PINX1: variants seen among roughly 807,000 people sequenced by gnomAD.
The protein encoded by PINX1 is PIN2/TERF1-interacting telomerase inhibitor 1.
In PINX1, 34 loss-of-function variants were observed where a neutral mutation model predicts 25.4. The observed-to-expected ratio is 1.34, with a 90% CI of 1.02 to 1.78. The LOEUF (loss-of-function observed/expected upper bound fraction) is 1.78, where lower values mean the gene tolerates loss of function less well. Ranked by LOEUF, PINX1 falls within the 40% of genes most tolerant of loss-of-function variation. The pLI is 0.00. For synonymous variants in PINX1, 197 were observed against 147.7 expected, an observed-to-expected ratio of 1.33 and a Z score of -2.42; for missense variants, 592 against 404.9, an observed-to-expected ratio of 1.46 and a Z score of -3.97.
chr8:10,817,315 A>G (rs1797728431), intron 6 of PINX1, among the ~76,000 whole-genome samples: 1 of 152,204 alleles, frequency 6.6e-6, no homozygotes, highest in African/African-American at 2.4e-5. Flanking sequence ...GCAACAACAT[A>G]CAACATTCCC....
At chr8:10,839,131 A>G (rs992183034) in intron 1 of PINX1, among the ~76,000 whole-genome samples, 3 of 152,034 alleles carry the variant, frequency 2.0e-5, no homozygotes, top group African/African-American at 7.2e-5. Flanking sequence ...GGTTTCACCG[A>G]CTCCACCAAG....
At chr8:10,771,552 C>A (rs1222658354) in intron 6 of PINX1, among the ~76,000 whole-genome samples, 1 of 152,188 alleles carries the variant, frequency 6.6e-6, no homozygotes, top group Non-Finnish European at 1.5e-5. Context: ...ATTTATGTTG[C>A]ATTTGTATTC....
intron 6 of PINX1, among the ~76,000 whole-genome samples, chr8:10,799,634 C>G (rs939738135): frequency 7.2e-5 from 11 of 152,206 alleles, no homozygotes; most frequent in African/African-American, 2.4e-4. Context: ...TTGGTGACCA[C>G]TCCACAGCAG....
intron 6 of PINX1, 69 bp from the exon 7 acceptor site, chr8:10,765,985 C>A: frequency 6.7e-7 from 1 of 1,485,732 alleles, no homozygotes; most frequent in Non-Finnish European, 9.1e-7. Context: ...ACCCAGGAGG[C>A]ACCCACACCC....
At chr8:10,785,588 C>T (rs2409664) in intron 6 of PINX1, among the ~76,000 whole-genome samples, 30,761 of 152,170 alleles carry the variant, frequency 0.2, 4,513 homozygotes, top group African/African-American at 0.41. Context: ...TTATAGCAAT[C>T]CCACTGGGAC....
chr8:10,786,417 T>A (rs1383876177), intron 6 of PINX1, among the ~76,000 whole-genome samples: 1 of 152,144 alleles, frequency 6.6e-6, no homozygotes, highest in Non-Finnish European at 1.5e-5. Context: ...GTTGCACGGT[T>A]CAAACGTGAC....
intron 6 of PINX1, among the ~76,000 whole-genome samples, chr8:10,802,255 C>A (rs1802286954): frequency 6.6e-6 from 1 of 152,212 alleles, no homozygotes; most frequent in African/African-American, 2.4e-5. Context: ...GGGAAGCTCA[C>A]AAGGCTGACC....
chr8:10,827,214 A>T (rs1798079926), intron 4 of PINX1, among the ~76,000 whole-genome samples: 1 of 152,218 alleles, frequency 6.6e-6, no homozygotes, highest in South Asian at 2.1e-4. Flanking sequence ...AATAAAGGTA[A>T]GACAGGTTAA....
At chr8:10,793,385 C>T (rs1418306967) in intron 6 of PINX1, among the ~76,000 whole-genome samples, 1 of 152,194 alleles carries the variant, frequency 6.6e-6, no homozygotes, top group Non-Finnish European at 1.5e-5. Flanking sequence ...CAGGGCCACG[C>T]TGGAAGAAGA....
Position 10,793,698 on chromosome 8 carries a change from A to G in PINX1, c.471+26495T>C, listed in dbSNP as rs1237528232. Among the ~76,000 whole-genome samples, 3 of 152,052 alleles carry G rather than the reference A, an allele frequency of 2.0e-5. No homozygotes were observed. The East Asian group carries it at 5.8e-4, about 29-fold the overall frequency. On this transcript the variant is annotated intron_variant, in intron 6 of 6. Transcript: ENST00000314787. ...ATTATTAAAGGTCATTAATTTCAAT[A>G]GCCAGAAAAAAAAAAAGACCTTACT...
At chr8:10,794,704 G>A (rs146810230) in intron 6 of PINX1, among the ~76,000 whole-genome samples, 43 of 152,260 alleles carry the variant, frequency 2.8e-4, no homozygotes, top group Middle Eastern at 6.8e-3. Context: ...CTGGGATTAC[G>A]GGCATGAGCC....
At chr8:10,790,973 C>T (rs575467457) in intron 6 of PINX1, among the ~76,000 whole-genome samples, 2 of 152,242 alleles carry the variant, frequency 1.3e-5, no homozygotes, top group South Asian at 2.1e-4. Context: ...AGTACAAAGG[C>T]GCAATCTTGG....
chr8:10,812,313 C>T (rs536216600), intron 6 of PINX1, among the ~76,000 whole-genome samples: 19 of 152,280 alleles, frequency 1.2e-4, no homozygotes, highest in Middle Eastern at 3.4e-3. Context: ...TCGAGGAAAA[C>T]GTAAAACTTC....
At chr8:10,791,794 C>A (rs1244465069) in intron 6 of PINX1, among the ~76,000 whole-genome samples, 2 of 152,140 alleles carry the variant, frequency 1.3e-5, no homozygotes, top group African/African-American at 4.8e-5. Context: ...AACCTCTCTC[C>A]AGCACTGCGC....
At chr8:10,785,197 C>G (rs555040724) in intron 6 of PINX1, among the ~76,000 whole-genome samples, 2 of 152,302 alleles carry the variant, frequency 1.3e-5, no homozygotes, top group African/African-American at 4.8e-5. Context: ...AATTTAAAGA[C>G]AGATAAGCAT....
At chr8:10,775,410 G>GGTTTTTTTTTGT (rs1563203196) in intron 6 of PINX1, among the ~76,000 whole-genome samples, 3 of 109,594 alleles carry the variant, frequency 2.7e-5, no homozygotes, top group Non-Finnish European at 3.7e-5. Flanking sequence ...CTGTTTTGTG[G>GGTTTTTTTTTGT]TTTTTTTTTT....
At chr8:10,820,973 C>A (rs1797849179) in intron 5 of PINX1, among the ~76,000 whole-genome samples, 1 of 152,176 alleles carries the variant, frequency 6.6e-6, no homozygotes, top group Non-Finnish European at 1.5e-5. Flanking sequence ...AATTTCAAAC[C>A]CCCAAACCAA....
At chr8:10,837,898 C>T (rs1798451044) in intron 1 of PINX1, among the ~76,000 whole-genome samples, 1 of 152,218 alleles carries the variant, frequency 6.6e-6, no homozygotes. Flanking sequence ...TGAGTCCTTA[C>T]ATAAGGAACT....
intron 6 of PINX1, among the ~76,000 whole-genome samples, chr8:10,791,144 C>A (rs915208360): frequency 6.6e-6 from 1 of 152,076 alleles, no homozygotes; most frequent in Non-Finnish European, 1.5e-5. Context: ...GAATTCCTGA[C>A]CTCGTGATCT....
Sources: allele counts gnomAD v4.1 joint callset (sites outside exome capture counted in the v4.1 genomes callset), GRCh38; gene constraint gnomAD v4.1.1; transcripts MANE v1.5; gene names NCBI Gene and HGNC (gene_info 2026-07-23, HGNC 2026-07-21).